The following NCAM2 variants were observed in gnomAD, a reference collection of about 807,000 sequenced individuals.
NCAM2 encodes N-CAM-2.
NCAM2 carries 30 observed loss-of-function variants against 98.1 expected under a neutral mutation model. That is an observed-to-expected ratio of 0.31 (90% confidence interval 0.23 to 0.41). The LOEUF is 0.41. Ranked by LOEUF, NCAM2 falls within the 10% of genes least tolerant of loss-of-function variation. The pLI, the probability that NCAM2 is intolerant of heterozygous loss-of-function variation, is 1.00. For synonymous variants in NCAM2, 368 were observed against 342.4 expected, an observed-to-expected ratio of 1.07 and a Z score of -0.83; for missense variants, 867 against 1,005.8, an observed-to-expected ratio of 0.86 and a Z score of 1.87.
intron 1 of NCAM2, among the ~76,000 whole-genome samples, chr21:21,062,424 C>G (rs1242156661): frequency 6.6e-6 from 1 of 152,000 alleles, no homozygotes. Flanking sequence ...ACTGGTAAAT[C>G]ATAACTTATA....
intron 1 of NCAM2, among the ~76,000 whole-genome samples, chr21:21,116,015 T>TTGTGTGTGTGTGTGTG (rs3071992): frequency 1.6e-4 from 24 of 146,204 alleles, no homozygotes; most frequent in African/African-American, 5.9e-4. Flanking sequence ...CATGCTGAGA[T>TTGTGTGTGTGTGTGTG]TGTGTGTGTG....
At chr21:21,232,077 C>T (rs1182457808) in intron 1 of NCAM2, among the ~76,000 whole-genome samples, 3 of 151,398 alleles carry the variant, frequency 2.0e-5, no homozygotes, top group Non-Finnish European at 3.0e-5. Flanking sequence ...TAAATCCTTT[C>T]TCCCCAGTTA....
intron 1 of NCAM2, among the ~76,000 whole-genome samples, chr21:21,172,800 T>A (rs2068166475): frequency 6.6e-6 from 1 of 152,154 alleles, no homozygotes; most frequent in African/African-American, 2.4e-5. Flanking sequence ...GGCTGAGATT[T>A]TTCTTAAAAT....
intron 1 of NCAM2, among the ~76,000 whole-genome samples, chr21:21,107,968 A>T (rs2146515124): frequency 6.6e-6 from 1 of 152,212 alleles, no homozygotes; most frequent in Non-Finnish European, 1.5e-5. Context: ...ATTAATATGT[A>T]TTTGAATATT....
chr21:21,383,350 C>A (rs1244205710), intron 9 of NCAM2, among the ~76,000 whole-genome samples: 1 of 152,064 alleles, frequency 6.6e-6, no homozygotes, highest in African/African-American at 2.4e-5. Context: ...TTTTGACATA[C>A]CCTTCTCTGA....
intron 1 of NCAM2, among the ~76,000 whole-genome samples, chr21:21,067,819 A>G (rs2065471767): frequency 6.6e-6 from 1 of 152,180 alleles, no homozygotes; most frequent in South Asian, 2.1e-4. Flanking sequence ...TTTTCTTTGC[A>G]TATAGTTATA....
intron 1 of NCAM2, among the ~76,000 whole-genome samples, chr21:21,199,132 GGAAA>G (rs2069117574): frequency 6.6e-6 from 1 of 152,084 alleles, no homozygotes; most frequent in African/African-American, 2.4e-5. Flanking sequence ...TATAGTTTGT[GGAAA>G]GAGTCAGTCC....
At chr21:21,025,634 A>AGGAATTTATTCTCCTATGT (rs2064530319) in intron 1 of NCAM2, among the ~76,000 whole-genome samples, 1 of 56 alleles carries the variant, frequency 0.018, no homozygotes, top group Non-Finnish European at 0.033. Context: ...TCTCCTATGT[A>AGGAATTTATTCTCCTATGT]CCCAGGAATT....
chr21:21,356,977 G>A (rs1173059179), intron 8 of NCAM2, among the ~76,000 whole-genome samples: 7 of 131,320 alleles, frequency 5.3e-5, no homozygotes, highest in Non-Finnish European at 7.8e-5. Flanking sequence ...AAACAAGAGC[G>A]AAACTCCATC....
At chr21:21,258,971 G>A (rs756325391) in intron 1 of NCAM2, among the ~76,000 whole-genome samples, 1 of 152,134 alleles carries the variant, frequency 6.6e-6, no homozygotes, top group Non-Finnish European at 1.5e-5. Flanking sequence ...GAACAGGGAG[G>A]TACTGACGGC....
At chr21:21,176,567 A>T (rs2068296584) in intron 1 of NCAM2, among the ~76,000 whole-genome samples, 2 of 152,114 alleles carry the variant, frequency 1.3e-5, no homozygotes, top group Admixed American at 6.5e-5. Context: ...CATTTATTAC[A>T]ATGTAACATA....
intron 1 of NCAM2, among the ~76,000 whole-genome samples, chr21:21,175,808 ATTTG>A (rs2068267326): frequency 6.6e-6 from 1 of 152,322 alleles, no homozygotes; most frequent in Non-Finnish European, 1.5e-5. Flanking sequence ...TGACAAACTG[ATTTG>A]TACTGTGGTA....
At chr21:21,376,001 A>G (rs538610451) in intron 9 of NCAM2, among the ~76,000 whole-genome samples, 1 of 151,990 alleles carries the variant, frequency 6.6e-6, no homozygotes, top group African/African-American at 2.4e-5. Context: ...TCCAAAGCAC[A>G]GTAAGGCAGA....
At chr21:21,330,838 C>T (rs1047838905) in intron 6 of NCAM2, among the ~76,000 whole-genome samples, 1 of 151,966 alleles carries the variant, frequency 6.6e-6, no homozygotes, top group Non-Finnish European at 1.5e-5. Context: ...CAGTCTTTTT[C>T]TGTTTTTCAT....
At chr21:21,193,235 T>G (rs2068883599) in intron 1 of NCAM2, among the ~76,000 whole-genome samples, 1 of 151,836 alleles carries the variant, frequency 6.6e-6, no homozygotes, top group Non-Finnish European at 1.5e-5. Context: ...ATGAAAGGAT[T>G]ATAGGTATGC....
At chr21:21,533,349 C>T (rs754233339) in intron 16 of NCAM2, among the ~76,000 whole-genome samples, 3 of 151,634 alleles carry the variant, frequency 2.0e-5, no homozygotes, top group Non-Finnish European at 2.9e-5. Flanking sequence ...TTGTCATTTC[C>T]GGAATGTCAT....
intron 1 of NCAM2, among the ~76,000 whole-genome samples, chr21:21,247,021 T>G (rs1434526379): frequency 1.1e-4 from 1 of 9,432 alleles, no homozygotes; most frequent in African/African-American, 1.2e-4. Context: ...GAGTTTAATA[T>G]GTTTAAAAAA....
At chr21:21,348,000 A>G (rs2075234912) in intron 8 of NCAM2, among the ~76,000 whole-genome samples, 1 of 152,102 alleles carries the variant, frequency 6.6e-6, no homozygotes, top group Non-Finnish European at 1.5e-5. Flanking sequence ...ACCTACAGCT[A>G]GTGTCATACT....
chr21:21,215,285 G>A (rs1451144900), intron 1 of NCAM2, among the ~76,000 whole-genome samples: 1 of 152,148 alleles, frequency 6.6e-6, no homozygotes, highest in Non-Finnish European at 1.5e-5. Context: ...TGGCAATGCT[G>A]TATGGAACAC....
Sources: gnomAD v4.1 joint callset for allele counts (sites outside exome capture counted in the v4.1 genomes callset) on GRCh38, gnomAD v4.1.1 for gene constraint, MANE v1.5 for transcripts, NCBI Gene and HGNC (gene_info 2026-07-23, HGNC 2026-07-21) for gene names.